DTNB: variants seen among roughly 807,000 people sequenced by gnomAD.
DTNB encodes dystrobrevin beta.
Under a neutral mutation model 90.7 loss-of-function variants are expected in DTNB, and 63 were observed. That is an observed-to-expected ratio of 0.69 (90% CI 0.57 to 0.86). The LOEUF (loss-of-function observed/expected upper bound fraction) is 0.86. Ranked by LOEUF, DTNB falls within the 40% of genes least tolerant of loss-of-function variation. DTNB has a pLI of 0.00. For missense variants in DTNB, 744 were observed against 807.1 expected (o/e 0.92, Z 0.95); for synonymous variants, 277 against 286.7 (o/e 0.97, Z 0.34).
intron 6 of DTNB, among the ~76,000 whole-genome samples, chr2:25,586,529 A>G (rs1017165427): frequency 6.6e-6 from 1 of 151,396 alleles, no homozygotes; most frequent in Non-Finnish European, 1.5e-5. Flanking sequence ...AAAAAAAAAA[A>G]GTTTAAAAAA....
In DTNB at chr2:25,596,061, C is replaced by T. The variant is rs764070665; in HGVS notation, c.603+25G>A. Reference sequence around the variant, plus strand: ...GGGAGGGAAGAGCGCTCTTCTAGCCCTAGATTCTATAAAACTGTCCTTACC... The same window carrying T: ...GGGAGGGAAGAGCGCTCTTCTAGCCTTAGATTCTATAAAACTGTCCTTACC... On this transcript the variant is annotated intron_variant, in intron 6 of 20. Transcript: ENST00000406818. The T allele has an allele frequency of 2.6e-6, 4 of 1,568,064 alleles. No individual in the cohort carries two copies. In the Admixed American group the frequency reaches 7.9e-5, roughly 31 times the overall value.
chr2:25,391,976 CACAG>C (rs2149571326), intron 16 of DTNB, among the ~76,000 whole-genome samples: 1 of 152,180 alleles, frequency 6.6e-6, no homozygotes, highest in East Asian at 1.9e-4. Flanking sequence ...TCTGAAAGAG[CACAG>C]ACAATCTAAG....
intron 4 of DTNB, among the ~76,000 whole-genome samples, chr2:25,621,058 C>T (rs151195153): frequency 2.0e-3 from 309 of 152,172 alleles, no homozygotes; most frequent in Middle Eastern, 0.017. Context: ...TGTGCTACAA[C>T]GGTGGAAAAT....
chr2:25,654,572 T>C (rs2081685519), intron 1 of DTNB, among the ~76,000 whole-genome samples: 1 of 152,240 alleles, frequency 6.6e-6, no homozygotes, highest in South Asian at 2.1e-4. Flanking sequence ...TTGTTCAATA[T>C]GATATTCAAC....
intron 10 of DTNB, among the ~76,000 whole-genome samples, chr2:25,466,673 C>A (rs1574831835): frequency 6.6e-6 from 1 of 152,150 alleles, no homozygotes; most frequent in Non-Finnish European, 1.5e-5. Flanking sequence ...CAATTTGGGG[C>A]AGAAGTTTAG....
At position 25,605,237 on chromosome 2, in the gene DTNB, G is replaced by C. The variant is rs193179349; in HGVS notation, c.448+1999C>G. Among the ~76,000 whole-genome samples the C allele has an allele frequency of 2.0e-3, 301 of 152,324 alleles. 3 individuals are homozygous for C. The highest frequency in any genetic ancestry group is 6.8e-3 in the African/African-American group (283 of 41,576). On this transcript the variant is annotated intron_variant, in intron 5 of 20. Coordinates refer to ENST00000406818, the MANE Select transcript of DTNB (RefSeq NM_021907.5). ...AGCAAGGAAAAGATAAACCACACTTGAAATCTACTTGAATCAGATAAACAC... is the reference window on the plus strand; with the variant it reads ...AGCAAGGAAAAGATAAACCACACTTCAAATCTACTTGAATCAGATAAACAC...
At chr2:25,634,867 T>C (rs1159791224) in intron 3 of DTNB, among the ~76,000 whole-genome samples, 2 of 107,762 alleles carry the variant, frequency 1.9e-5, no homozygotes, top group African/African-American at 5.7e-5. Context: ...AGCATGCTCG[T>C]TAAAAGTCAT....
chr2:25,428,722 C>T lies in DTNB; in HGVS notation c.1458-1091G>A, dbSNP rs573533587. ...TGCTGGGATTACAGTCGTGAGCCAC[C>T]GCACCTGGCTCTTTCATCTTTTATG... On this transcript the variant is annotated intron_variant, in intron 14 of 20. Transcript: ENST00000406818. Among the ~76,000 whole-genome samples, 17 of 152,168 alleles carry T rather than the reference C, an allele frequency of 1.1e-4. No individual in the cohort carries two copies. In the South Asian group the frequency reaches 2.5e-3, roughly 22 times the overall value.
intron 16 of DTNB, among the ~76,000 whole-genome samples, chr2:25,396,313 C>T (rs2042341676): frequency 6.6e-6 from 1 of 152,152 alleles, no homozygotes; most frequent in South Asian, 2.1e-4. Flanking sequence ...GAGTTCGAGA[C>T]CAGCCTGGCC....
chr2:25,604,534 G>C (rs1363326199), intron 5 of DTNB, among the ~76,000 whole-genome samples: 2 of 151,882 alleles, frequency 1.3e-5, no homozygotes, highest in African/African-American at 4.8e-5. Flanking sequence ...AGCTTCCTGA[G>C]GAGCTGGGAC....
chr2:25,591,047 G>A (rs888282945), intron 6 of DTNB, among the ~76,000 whole-genome samples: 2 of 152,242 alleles, frequency 1.3e-5, no homozygotes, highest in East Asian at 1.9e-4. Context: ...TGCCCCGAGC[G>A]TGTGCACACC....
At chr2:25,611,687 A>G (rs1028790067) in intron 4 of DTNB, among the ~76,000 whole-genome samples, 3 of 152,130 alleles carry the variant, frequency 2.0e-5, no homozygotes, top group Admixed American at 6.5e-5. Flanking sequence ...TTCTAAAGTG[A>G]TTATATCTGG....
chr2:25,629,283 T>C (rs974727642), intron 3 of DTNB, among the ~76,000 whole-genome samples: 5 of 152,146 alleles, frequency 3.3e-5, no homozygotes, highest in Non-Finnish European at 7.3e-5. Flanking sequence ...GTAAAGGAAA[T>C]CTGAAAGTAT....
chr2:25,388,345 G>A lies in DTNB; in HGVS notation c.1592C>T (p.Ser531Leu), dbSNP rs2040121226. The change falls in exon 17 of 21, where the codon TCA becomes TTA. Residue 531 changes from serine (S) to leucine (L), a missense_variant. Ser to Leu is a moderately radical substitution (Grantham distance 145). Transcript: ENST00000406818. The stretch of plus-strand genomic sequence containing the variant: ...TCCATGGGTGGGCGATGTATGTGGT[G>A]ACCCTGTGGCCTGAGCCTGGAGATT... The part of the protein sequence containing the change: ...EQKQAAQATG[S>L]PHTSPTHGGG... The A allele has an allele frequency of 1.2e-6, 2 of 1,610,580 alleles. No individual in the cohort carries two copies. The highest frequency in any genetic ancestry group is 2.7e-5 in the African/African-American group (2 of 75,012).
intron 3 of DTNB, among the ~76,000 whole-genome samples, chr2:25,631,070 T>A (rs1209822991): frequency 6.6e-6 from 1 of 152,062 alleles, no homozygotes; most frequent in Non-Finnish European, 1.5e-5. Flanking sequence ...GTGGAGTGAC[T>A]GTTAATGGGT....
chr2:25,456,390 C>T (rs1313915320), intron 10 of DTNB, among the ~76,000 whole-genome samples: 2 of 152,178 alleles, frequency 1.3e-5, no homozygotes, highest in East Asian at 1.9e-4. Flanking sequence ...ACCATTATCA[C>T]ACCTAAAAAC....
chr2:25,468,821 A>G (rs2062259805), intron 10 of DTNB, among the ~76,000 whole-genome samples: 2 of 152,218 alleles, frequency 1.3e-5, no homozygotes, highest in Admixed American at 6.5e-5. Flanking sequence ...GTGTTTACCT[A>G]TAAGGTCAGA....
chr2:25,608,229 TG>T lies in DTNB; in HGVS notation c.363-909del, dbSNP rs770265528. Among the ~76,000 whole-genome samples the T allele has an allele frequency of 4.7e-4, 71 of 152,368 alleles. 1 individual carries two copies. The Middle Eastern group carries it at 0.01, about 22-fold the overall frequency. ...GCAATAATGAGAGCTATACCTTCTT[TG>T]TTTAGAAAAAGAATGTATCATCCTA... On this transcript the variant is annotated intron_variant, in intron 4 of 20. Transcript: ENST00000406818.
chr2:25,525,703 C>A (rs2076963253), intron 9 of DTNB, among the ~76,000 whole-genome samples: 1 of 151,902 alleles, frequency 6.6e-6, no homozygotes, highest in Admixed American at 6.6e-5. Flanking sequence ...AAGGAAAAAT[C>A]CAAGTTCTAA....
Sources: allele counts gnomAD v4.1 joint callset (sites outside exome capture counted in the v4.1 genomes callset), GRCh38; gene constraint gnomAD v4.1.1; transcripts MANE v1.5; gene names NCBI Gene and HGNC (gene_info 2026-07-23, HGNC 2026-07-21).